Variants in CEP63 observed in about 807,000 individuals in gnomAD.
CEP63 encodes the protein centrosomal protein of 63 kDa.
In CEP63, 84 loss-of-function variants were observed where a neutral mutation model predicts 89.1. The ratio of observed to expected loss-of-function variants is 0.94; its 90% CI spans 0.79 to 1.13. CEP63 has a LOEUF of 1.13. Ranked by LOEUF, CEP63 falls within the 50% of genes most tolerant of loss-of-function variation. CEP63 has a pLI of 0.00. For synonymous variants in CEP63, 267 were observed against 272.5 expected (o/e 0.98, Z 0.20); for missense variants, 838 against 813.3 (o/e 1.03, Z -0.37).
chr3:134,761,425 C>A, the CEP63 span, among the ~76,000 whole-genome samples: 6 of 152,248 alleles, frequency 3.9e-5, no homozygotes, highest in African/African-American at 1.2e-4. Context: ...GCCCCGGACA[C>A]CGCCTTGGCA....
downstream of CEP63, among the ~76,000 whole-genome samples, chr3:134,579,488 G>T (rs116822095): frequency 7.6e-3 from 1,159 of 152,348 alleles, 17 homozygotes; most frequent in African/African-American, 0.027. Flanking sequence ...TCTAGTGGGT[G>T]TGTACTGATA....
At chr3:134,506,000 T>G (rs551408484) in intron 2 of CEP63, among the ~76,000 whole-genome samples, 1 of 152,328 alleles carries the variant, frequency 6.6e-6, no homozygotes, top group East Asian at 1.9e-4. Context: ...TTGGGTTGTT[T>G]GCCTCATCAC....
intron 6 of CEP63, among the ~76,000 whole-genome samples, chr3:134,538,475 T>G (rs1951234954): frequency 7.1e-6 from 1 of 140,896 alleles, no homozygotes; most frequent in Admixed American, 7.8e-5. Context: ...TCTGGACCAG[T>G]TTTTTTGACT....
chr3:134,572,563 A>G (rs1958055403), intron 11 of CEP63, among the ~76,000 whole-genome samples: 1 of 152,152 alleles, frequency 6.6e-6, no homozygotes, highest in South Asian at 2.1e-4. Context: ...GGCTGCATCC[A>G]TGTTGCTGCA....
the CEP63 span, among the ~76,000 whole-genome samples, chr3:134,745,315 G>A: frequency 3.3e-5 from 5 of 152,306 alleles, no homozygotes; most frequent in South Asian, 6.2e-4. Context: ...CCTGGTTTAT[G>A]TTATTCCACC....
chr3:134,561,352 A>T (rs771228677), intron 14 of CEP63, 25 bp from the exon 15 acceptor site: 1 of 1,592,478 alleles, frequency 6.3e-7, no homozygotes, highest in South Asian at 1.1e-5. Context: ...TTATTTACAC[A>T]TGTCAAAATT....
At position 134,559,421 on chromosome 3, in the gene CEP63, A is replaced by G. The variant is rs1470059219; in HGVS notation, c.1945A>G (p.Ile649Val). The G allele has an allele frequency of 2.5e-6, 4 of 1,613,104 alleles. No homozygotes were observed. Among genetic ancestry groups the G allele is most frequent in the South Asian group, 2.2e-5 (2 of 90,998 alleles). The change falls in exon 14 of 15, where the codon ATA becomes GTA. Residue 649 changes from isoleucine (I) to valine (V), a missense_variant. Coordinates refer to ENST00000675561, the MANE Select transcript of CEP63 (RefSeq NM_001353108.3). The stretch of plus-strand genomic sequence containing the variant: ...GAGTATGAATGACCAAGAAGAGTTT[A>G]TATCTTCGGTATGGAAACTTTCTGA... ...SESMNDQEEF[I>V]SSCSLPVSPL...
intron 3 of CEP63, among the ~76,000 whole-genome samples, chr3:134,524,365 G>T (rs1258721509): frequency 3.3e-5 from 5 of 152,102 alleles, no homozygotes; most frequent in African/African-American, 1.2e-4. Context: ...TTCCTATTTG[G>T]ATGCCCTTTA....
At chr3:134,651,705 T>A in the CEP63 span, 1 of 803,388 alleles carries the variant, frequency 1.2e-6, no homozygotes, top group Non-Finnish European at 1.5e-6. Context: ...ACGAAAGTCT[T>A]AAAGTCTCGG....
intron 3 of CEP63, among the ~76,000 whole-genome samples, chr3:134,519,831 A>C (rs865826311): frequency 3.9e-5 from 6 of 152,222 alleles, no homozygotes; most frequent in African/African-American, 1.4e-4. Flanking sequence ...AAAACACCAT[A>C]GTTATCTCAA....
At chr3:134,687,778 G>A in the CEP63 span, among the ~76,000 whole-genome samples, 1 of 152,190 alleles carries the variant, frequency 6.6e-6, no homozygotes, top group Non-Finnish European at 1.5e-5. Flanking sequence ...CACACCTGTG[G>A]CAGGATGGAG....
the CEP63 span, among the ~76,000 whole-genome samples, chr3:134,653,480 T>C: frequency 6.6e-6 from 1 of 152,190 alleles, no homozygotes; most frequent in Non-Finnish European, 1.5e-5. Flanking sequence ...TCCAACAGCC[T>C]AGCTTCTGGG....
downstream of CEP63, among the ~76,000 whole-genome samples, chr3:134,592,717 T>G (rs556104636): frequency 1.1e-4 from 16 of 152,276 alleles, no homozygotes; most frequent in African/African-American, 3.6e-4. Context: ...GGGTTTGAGG[T>G]GGTCTCACCA....
chr3:134,513,290 A>G (rs919059317), intron 3 of CEP63, among the ~76,000 whole-genome samples: 2 of 152,222 alleles, frequency 1.3e-5, no homozygotes, highest in Non-Finnish European at 2.9e-5. Flanking sequence ...TATATCTGAA[A>G]ATAATCTTTA....
chr3:134,704,604 G>A, the CEP63 span, among the ~76,000 whole-genome samples: 2 of 152,238 alleles, frequency 1.3e-5, no homozygotes, highest in South Asian at 2.1e-4. Context: ...TGTCCATGGG[G>A]AGACATTTCC....
chr3:134,704,445 G>C, the CEP63 span, among the ~76,000 whole-genome samples: 11 of 152,082 alleles, frequency 7.2e-5, no homozygotes, highest in Non-Finnish European at 1.3e-4. Context: ...AGCAGGAAGA[G>C]AGAAGGAAGA....
At chr3:134,716,050 C>G in the CEP63 span, among the ~76,000 whole-genome samples, 1 of 152,100 alleles carries the variant, frequency 6.6e-6, no homozygotes, top group Non-Finnish European at 1.5e-5. Flanking sequence ...CAGATACTTT[C>G]CCCGACTCCT....
At chr3:134,688,291 A>G in the CEP63 span, among the ~76,000 whole-genome samples, 2 of 152,250 alleles carry the variant, frequency 1.3e-5, no homozygotes, top group Non-Finnish European at 1.5e-5. Context: ...TTAAGACATT[A>G]TGTATATTGT....
At chr3:134,592,999 A>G in the CEP63 span, among the ~76,000 whole-genome samples, 3 of 152,164 alleles carry the variant, frequency 2.0e-5, no homozygotes, top group East Asian at 5.8e-4. Flanking sequence ...CAACTCACTG[A>G]GCCCAGTGGG....
Sources: gnomAD v4.1 joint callset for allele counts (sites outside exome capture counted in the v4.1 genomes callset) on GRCh38, gnomAD v4.1.1 for gene constraint, MANE v1.5 for transcripts, NCBI Gene and HGNC (gene_info 2026-07-23, HGNC 2026-07-21) for gene names.